VTI1A: variants seen among roughly 807,000 people sequenced by gnomAD.
The protein encoded by VTI1A is vesicle transport through interaction with t-SNAREs 1A.
VTI1A carries 22 observed loss-of-function variants against 34.9 expected under a neutral mutation model. The observed-to-expected ratio is 0.63, with a 90% CI of 0.45 to 0.90. The LOEUF (loss-of-function observed/expected upper bound fraction) is 0.90. Among genes scored for constraint, VTI1A ranks in the 40% least tolerant of loss-of-function variants. VTI1A has a pLI of 0.00. For synonymous variants in VTI1A, 87 were observed against 97.3 expected, an observed-to-expected ratio of 0.89 and a Z score of 0.62; for missense variants, 268 against 275.6, an observed-to-expected ratio of 0.97 and a Z score of 0.20.
chr10:112,847,423 C>G, the VTI1A span, among the ~76,000 whole-genome samples: 4 of 152,334 alleles, frequency 2.6e-5, no homozygotes, highest in Middle Eastern at 3.4e-3. Context: ...CTTTCCCACT[C>G]TCTTCTATGT....
intron 5 of VTI1A, among the ~76,000 whole-genome samples, chr10:112,605,733 A>C (rs1233451654): frequency 1.3e-5 from 2 of 152,134 alleles, no homozygotes; most frequent in African/African-American, 2.4e-5. Flanking sequence ...CTCCACAATT[A>C]TGATGGCTTA....
At chr10:112,835,807 A>G in the VTI1A span, among the ~76,000 whole-genome samples, 1 of 152,240 alleles carries the variant, frequency 6.6e-6, no homozygotes, top group African/African-American at 2.4e-5. Flanking sequence ...ACCTCATTAA[A>G]AAAAGAAAAT....
In VTI1A at chr10:112,776,226, C is replaced by T. The variant is rs182800424; in HGVS notation, c.561-39064C>T. On this transcript the variant is annotated intron_variant, in intron 7 of 7. Coordinates refer to ENST00000393077, the MANE Select transcript of VTI1A (RefSeq NM_145206.4). ...TGGGCAGATCAGTGTGTTCAACACGCGCTGCACCGTGTTAGTGCTGAGGAC... is the reference window on the plus strand; with the variant it reads ...TGGGCAGATCAGTGTGTTCAACACGTGCTGCACCGTGTTAGTGCTGAGGAC... Among the ~76,000 whole-genome samples, 307 of 152,314 alleles carry T rather than the reference C, an allele frequency of 2.0e-3. 3 individuals carry two copies. Among genetic ancestry groups the T allele is most frequent in the African/African-American group, 7.0e-3 (293 of 41,568 alleles).
intron 3 of VTI1A, among the ~76,000 whole-genome samples, chr10:112,499,672 C>G (rs1339021556): frequency 6.6e-6 from 1 of 152,208 alleles, no homozygotes; most frequent in Admixed American, 6.5e-5. Flanking sequence ...TCCTGCATTT[C>G]TTCTTCCCGC....
chr10:112,669,727 G>C (rs1377032250), intron 7 of VTI1A, among the ~76,000 whole-genome samples: 1 of 152,104 alleles, frequency 6.6e-6, no homozygotes, highest in Admixed American at 6.6e-5. Context: ...ATTGAGAATG[G>C]CCTCTGGAAT....
In VTI1A at chr10:112,573,010, C is replaced by T. The variant is rs61874592; in HGVS notation, c.427+34680C>T. ...TTTTTCCTGAAGCATCCCATCTCAC[C>T]ACAATACTAGATAAATAAGTTGTTA... On this transcript the variant is annotated intron_variant, in intron 5 of 7. Coordinates refer to ENST00000393077, the MANE Select transcript of VTI1A (RefSeq NM_145206.4). Among the ~76,000 whole-genome samples the T allele has an allele frequency of 7.8e-3, 1,185 of 151,852 alleles. 6 individuals are homozygous for T. The highest frequency in any genetic ancestry group is 0.013 in the Non-Finnish European group (880 of 67,962).
chr10:112,609,943 C>G (rs115612562), intron 5 of VTI1A, among the ~76,000 whole-genome samples: 1 of 151,844 alleles, frequency 6.6e-6, no homozygotes, highest in Non-Finnish European at 1.5e-5. Context: ...GTCTTATTAT[C>G]ACAAAATAAT....
chr10:112,476,771 G>T (rs1564792456), intron 3 of VTI1A, among the ~76,000 whole-genome samples: 1 of 152,174 alleles, frequency 6.6e-6, no homozygotes, highest in Non-Finnish European at 1.5e-5. Context: ...AATTTGAAAT[G>T]ACACATCATG....
chr10:112,545,114 C>T (rs1851029375), intron 5 of VTI1A, among the ~76,000 whole-genome samples: 1 of 152,170 alleles, frequency 6.6e-6, no homozygotes, highest in African/African-American at 2.4e-5. Flanking sequence ...AAATTGCCAA[C>T]AGAGGAATTT....
At chr10:112,578,605 A>G (rs376573311) in intron 5 of VTI1A, among the ~76,000 whole-genome samples, 2 of 152,314 alleles carry the variant, frequency 1.3e-5, no homozygotes, top group East Asian at 3.9e-4. Flanking sequence ...ATATATTTCA[A>G]ACTTTATCCA....
At position 112,611,737 on chromosome 10, in the gene VTI1A, A is replaced by ATTTTTTTTTTTTTTTTT. The variant is rs3057346; in HGVS notation, c.428-56475_428-56459dup. Among the ~76,000 whole-genome samples the ATTTTTTTTTTTTTTTTT allele has an allele frequency of 2.5e-3, 250 of 100,778 alleles. 24 individuals are homozygous for ATTTTTTTTTTTTTTTTT. The highest frequency in any genetic ancestry group is 0.01 in the East Asian group (41 of 4,034). 66.1% of individuals were successfully genotyped at this position (100,778 alleles called of 152,430 possible). On this transcript the variant is annotated intron_variant, in intron 5 of 7. Transcript: ENST00000393077. Reference sequence around the variant, plus strand: ...TAAAGCCCATTTGGTGAGAAAGGTAATTTTTTTTTTTTTTTTTTTTTTGTG... The same window carrying ATTTTTTTTTTTTTTTTT: ...TAAAGCCCATTTGGTGAGAAAGGTAATTTTTTTTTTTTTTTTTTTTTTTTTTTTTTTTTTTTTTTGTG...
intron 3 of VTI1A, among the ~76,000 whole-genome samples, chr10:112,483,409 AT>A (rs201553107): frequency 0.02 from 3,087 of 152,250 alleles, 57 homozygotes; most frequent in South Asian, 0.047. Flanking sequence ...TGTCTGATGC[AT>A]TTCTACCTTG....
chr10:112,594,958 C>A (rs1844563446), intron 5 of VTI1A, among the ~76,000 whole-genome samples: 1 of 147,868 alleles, frequency 6.8e-6, no homozygotes, highest in Non-Finnish European at 1.5e-5. Flanking sequence ...GGTACCAAAA[C>A]AGAGATATAG....
At chr10:112,463,914 G>A (rs147366722) in intron 2 of VTI1A, among the ~76,000 whole-genome samples, 4 of 152,282 alleles carry the variant, frequency 2.6e-5, no homozygotes, top group East Asian at 3.9e-4. Flanking sequence ...GACAAGACCC[G>A]GTTGGATTGA....
intron 5 of VTI1A, among the ~76,000 whole-genome samples, chr10:112,590,786 T>C (rs1844358952): frequency 6.6e-6 from 1 of 152,138 alleles, no homozygotes; most frequent in African/African-American, 2.4e-5. Flanking sequence ...AATTAATGTA[T>C]AGTGAGATAA....
the VTI1A span, among the ~76,000 whole-genome samples, chr10:112,853,840 C>T: frequency 4.6e-5 from 7 of 152,260 alleles, no homozygotes; most frequent in Non-Finnish European, 1.0e-4. Context: ...AAAGCTGCTA[C>T]ACTCCGTGGA....
At chr10:112,535,538 G>A (rs931831609) in intron 4 of VTI1A, among the ~76,000 whole-genome samples, 1 of 152,160 alleles carries the variant, frequency 6.6e-6, no homozygotes, top group Non-Finnish European at 1.5e-5. Flanking sequence ...GTTTTGGAAA[G>A]GGAGCATGCT....
intron 7 of VTI1A, among the ~76,000 whole-genome samples, chr10:112,750,753 A>G (rs1564911362): frequency 6.6e-6 from 1 of 152,232 alleles, no homozygotes. Flanking sequence ...GAAATTTGAC[A>G]AAATATGTAC....
intron 5 of VTI1A, among the ~76,000 whole-genome samples, chr10:112,619,701 G>A (rs746460507): frequency 6.6e-6 from 1 of 152,170 alleles, no homozygotes; most frequent in Non-Finnish European, 1.5e-5. Context: ...GGGGAGGAAT[G>A]TCTGCTAGAT....
Sources: gnomAD v4.1 joint callset for allele counts (sites outside exome capture counted in the v4.1 genomes callset) on GRCh38, gnomAD v4.1.1 for gene constraint, MANE v1.5 for transcripts, NCBI Gene and HGNC (gene_info 2026-07-23, HGNC 2026-07-21) for gene names.